Variants in EMC2 observed in about 807,000 individuals in gnomAD.
EMC2 encodes the protein TPR repeat protein 35.
Under a neutral mutation model 51.6 loss-of-function variants are expected in EMC2, and 37 were observed. The ratio of observed to expected loss-of-function variants is 0.72; its 90% CI spans 0.55 to 0.94. The LOEUF is 0.94. EMC2 is among the 40% of genes least tolerant of loss of function. The pLI, the probability that EMC2 is intolerant of heterozygous loss-of-function variation, is 0.00. For missense variants in EMC2, 359 were observed against 350.9 expected, an observed-to-expected ratio of 1.02 and a Z score of -0.18; for synonymous variants, 131 against 112.4, an observed-to-expected ratio of 1.17 and a Z score of -1.04.
At chr8:108,460,383 C>G (rs1426341082) in intron 5 of EMC2, among the ~76,000 whole-genome samples, 1 of 151,982 alleles carries the variant, frequency 6.6e-6, no homozygotes, top group Non-Finnish European at 1.5e-5. Flanking sequence ...CAAATGGTTC[C>G]CCTCATAGAA....
intron 5 of EMC2, among the ~76,000 whole-genome samples, chr8:108,461,976 T>G (rs1819333823): frequency 6.6e-6 from 1 of 151,982 alleles, no homozygotes; most frequent in Non-Finnish European, 1.5e-5. Context: ...GCCCAGCTAA[T>G]TTTTGTATTT....
At chr8:108,468,784 A>G (rs896530948) in intron 5 of EMC2, among the ~76,000 whole-genome samples, 1 of 152,164 alleles carries the variant, frequency 6.6e-6, no homozygotes, top group Admixed American at 6.5e-5. Flanking sequence ...ATCCTTCTGT[A>G]TTTGAAGCAA....
At chr8:108,461,933 C>G (rs113969572) in intron 5 of EMC2, among the ~76,000 whole-genome samples, 36,201 of 151,880 alleles carry the variant, frequency 0.24, 4,965 homozygotes, top group East Asian at 0.41. Flanking sequence ...CTCAGCCTCC[C>G]GGGTAGCTGG....
At chr8:108,445,211 G>A (rs1174385030) in intron 1 of EMC2, among the ~76,000 whole-genome samples, 1 of 152,114 alleles carries the variant, frequency 6.6e-6, no homozygotes, top group Non-Finnish European at 1.5e-5. Flanking sequence ...AAATTTGTAG[G>A]AACAAAGAAA....
rs869162246 is a variant in EMC2 at position 108,456,332 on chromosome 8, C to CAAAAAAA, written c.363+411_363+417dup. On this transcript the variant is annotated intron_variant, in intron 5 of 10. Coordinates refer to ENST00000220853, the MANE Select transcript of EMC2 (RefSeq NM_014673.5). ...TGGGCGACAGAGCAAGACTTCGTGTCAAAAAAAAAAAAAAAGAAAAAAAAA... is the reference window on the plus strand; with the variant it reads ...TGGGCGACAGAGCAAGACTTCGTGTCAAAAAAAAAAAAAAAAAAAAAAGAAAAAAAAA... Among the ~76,000 whole-genome samples, 18 of 23,602 alleles carry CAAAAAAA rather than the reference C, an allele frequency of 7.6e-4. 1 individual carries two copies. In the South Asian group the frequency reaches 0.014, roughly 18 times the overall value. 15.5% of individuals were successfully genotyped at this position (23,602 alleles called of 152,430 possible).
At position 108,485,407 on chromosome 8, in the gene EMC2, C is replaced by CAT. The variant is rs906945369; in HGVS notation, c.808-1093_808-1092dup. 6.3e-5 allele frequency among the ~76,000 whole-genome samples: 9 copies of CAT among 141,736 alleles called. No homozygotes were observed. The East Asian group carries it at 1.0e-3, about 16-fold the overall frequency. 93.0% of individuals were successfully genotyped at this position (141,736 alleles called of 152,430 possible). A position where few individuals can be genotyped will look rare whatever the true frequency, so the allele number is the denominator to read the frequency against. On this transcript the variant is annotated intron_variant, in intron 10 of 10. Transcript: ENST00000220853. ...ATTTAACCAGGGAGAAAATGGGTAACATATATATATATAAAATATATACAT... is the reference window on the plus strand; with the variant it reads ...ATTTAACCAGGGAGAAAATGGGTAACATATATATATATATAAAATATATACAT...
chr8:108,452,500 G>T (rs1182642752), intron 3 of EMC2, among the ~76,000 whole-genome samples: 4 of 152,150 alleles, frequency 2.6e-5, no homozygotes, highest in African/African-American at 9.7e-5. Flanking sequence ...CCAGGAGGTG[G>T]AGTTTGCAGT....
chr8:108,475,961 GAAGT>G lies in EMC2; in HGVS notation c.591+3_591+6del, dbSNP rs1457649324. On this transcript the variant is annotated splice_donor_variant and coding_sequence_variant, in exon 8 of 11. Transcript: ENST00000220853. LOFTEE classifies it high-confidence loss of function. ...CCACTTATACTGTCAGCAGTATGCTGAAGTAAGTGTTTTCAGAACAATGGCATAT... is the reference window on the plus strand; with the variant it reads ...CCACTTATACTGTCAGCAGTATGCTGAAGTGTTTTCAGAACAATGGCATAT... 1.3e-6 allele frequency: 2 copies of G among 1,545,578 alleles called. No individual in the cohort carries two copies. Among genetic ancestry groups the G allele is most frequent in the Non-Finnish European group, 1.8e-6 (2 of 1,136,942 alleles).
chr8:108,458,903 CCT>C (rs375404558), intron 5 of EMC2, among the ~76,000 whole-genome samples: 79 of 152,212 alleles, frequency 5.2e-4, no homozygotes, highest in African/African-American at 1.8e-3. Context: ...CTGAACTTGC[CCT>C]GTTTCCCTTG....
chr8:108,459,703 T>TGAGAGAGAGAGAGA (rs71303985), intron 5 of EMC2, among the ~76,000 whole-genome samples: 7 of 126,420 alleles, frequency 5.5e-5, no homozygotes, highest in African/African-American at 1.6e-4. Context: ...CCAAGCCATG[T>TGAGAGAGAGAGAGA]GAGAGAGAGA....
At chr8:108,446,441 A>T (rs2130324586) in intron 1 of EMC2, 1 of 240,568 alleles carries the variant, frequency 4.2e-6, no homozygotes, top group South Asian at 4.2e-5. Flanking sequence ...TGGGGTGATG[A>T]AAGCCTGGGC....
intron 5 of EMC2, among the ~76,000 whole-genome samples, chr8:108,461,429 A>G (rs1032278428): frequency 6.6e-6 from 1 of 152,178 alleles, no homozygotes; most frequent in Admixed American, 6.5e-5. Flanking sequence ...CATGCTGTAG[A>G]CTTTGAAACT....
intron 4 of EMC2, among the ~76,000 whole-genome samples, 193 bp downstream of exon 4, chr8:108,453,340 A>T (rs1368972930): frequency 1.3e-5 from 2 of 152,082 alleles, no homozygotes; most frequent in African/African-American, 4.8e-5. Context: ...CTTCTTTTTG[A>T]AGTATCTTCT....
At chr8:108,464,605 A>C (rs1190816876) in intron 5 of EMC2, among the ~76,000 whole-genome samples, 1 of 152,232 alleles carries the variant, frequency 6.6e-6, no homozygotes, top group Non-Finnish European at 1.5e-5. Flanking sequence ...GACCAGGTGC[A>C]GCCACAGGGG....
rs536132074 is a variant in EMC2 at position 108,450,585 on chromosome 8, A to G, written c.219+93A>G. Reference sequence around the variant, plus strand: ...GTATGGCTTATATGGAATGCTTTCAATAGCTAGTTTTGAGTGCTACTCTGA... The same window carrying G: ...GTATGGCTTATATGGAATGCTTTCAGTAGCTAGTTTTGAGTGCTACTCTGA... On this transcript the variant is annotated intron_variant, in intron 3 of 10. Coordinates refer to ENST00000220853, the MANE Select transcript of EMC2 (RefSeq NM_014673.5). 12 of 811,990 alleles carry G rather than the reference A, an allele frequency of 1.5e-5. No individual in the cohort carries two copies. In the East Asian group the frequency reaches 2.7e-4, roughly 18 times the overall value. 50.3% of individuals were successfully genotyped at this position (811,990 alleles called of 1,614,324 possible).
intron 1 of EMC2, among the ~76,000 whole-genome samples, chr8:108,445,007 G>T (rs948566149): frequency 8.5e-5 from 13 of 152,078 alleles, no homozygotes; most frequent in African/African-American, 3.1e-4. Flanking sequence ...ATAATTTTTA[G>T]AAAATGCTAT....
chr8:108,460,511 C>T (rs932635581), intron 5 of EMC2, among the ~76,000 whole-genome samples: 4 of 152,098 alleles, frequency 2.6e-5, no homozygotes, highest in South Asian at 2.1e-4. Flanking sequence ...AATTTCACCC[C>T]GATCACATGT....
intron 5 of EMC2, among the ~76,000 whole-genome samples, chr8:108,466,285 C>T (rs1819462500): frequency 1.3e-5 from 2 of 152,002 alleles, no homozygotes; most frequent in African/African-American, 4.8e-5. Flanking sequence ...CCAGCTGTTA[C>T]CCCTACAGAA....
At chr8:108,483,351 A>G (rs1811080189) in intron 10 of EMC2, among the ~76,000 whole-genome samples, 1 of 152,124 alleles carries the variant, frequency 6.6e-6, no homozygotes, top group South Asian at 2.1e-4. Context: ...TAGCATTTCC[A>G]TCACCCAAGA....
Sources: gnomAD v4.1 joint callset for allele counts (sites outside exome capture counted in the v4.1 genomes callset) on GRCh38, gnomAD v4.1.1 for gene constraint, MANE v1.5 for transcripts, NCBI Gene and HGNC (gene_info 2026-07-23, HGNC 2026-07-21) for gene names.